ZNF454: variants seen among roughly 807,000 people sequenced by gnomAD.
The protein encoded by ZNF454 is zinc finger protein 454.
ZNF454 carries 30 observed loss-of-function variants against 48.2 expected under a neutral mutation model. The ratio of observed to expected loss-of-function variants is 0.62; its 90% CI spans 0.47 to 0.84. The LOEUF (loss-of-function observed/expected upper bound fraction) is 0.84. Among genes scored for constraint, ZNF454 ranks in the 40% least tolerant of loss-of-function variants. ZNF454 has a pLI of 0.00. For synonymous variants in ZNF454, 204 were observed against 211.4 expected, an observed-to-expected ratio of 0.97 and a Z score of 0.30; for missense variants, 510 against 623.1, an observed-to-expected ratio of 0.82 and a Z score of 1.93.
At chr5:178,962,661 A>G (rs1760038970) in intron 4 of ZNF454, among the ~76,000 whole-genome samples, 1 of 151,682 alleles carries the variant, frequency 6.6e-6, no homozygotes, top group Non-Finnish European at 1.5e-5. Context: ...TTCACGTCTG[A>G]TAACTCTGGT....
At position 178,951,567 on chromosome 5, in the gene ZNF454, C is replaced by A. The variant is rs561850043; in HGVS notation, c.250+4581C>A. ...TATGTACTTTACTGTAGAAACCTTT[C>A]TACAACTGGCTTTTTTCAGATCCAT... On this transcript the variant is annotated intron_variant, in intron 4 of 4. Transcript: ENST00000519564. 1.1e-4 allele frequency among the ~76,000 whole-genome samples: 17 copies of A among 152,322 alleles called. No individual in the cohort carries two copies. The East Asian group carries it at 3.1e-3, about 28-fold the overall frequency.
intron 4 of ZNF454, 47 bp downstream of exon 4, chr5:178,947,033 A>G (rs1487565444): frequency 6.5e-7 from 1 of 1,542,538 alleles, no homozygotes; most frequent in Non-Finnish European, 8.9e-7. Context: ...CCTGCTGGGT[A>G]GGGAAGGCTC....
the ZNF454 span, chr5:178,986,208 G>C: frequency 6.2e-7 from 1 of 1,614,140 alleles, no homozygotes; most frequent in Non-Finnish European, 8.5e-7. Flanking sequence ...CCGAGCGCTT[G>C]CCCTGCTCAA....
At position 178,946,931 on chromosome 5, in the gene ZNF454, G is replaced by A; in HGVS notation, c.195G>A (p.Gln65=). The change falls in exon 4 of 5, where the codon CAG becomes CAA. Residue 65 remains glutamine (Q), a synonymous_variant. Coordinates refer to ENST00000519564, the MANE Select transcript of ZNF454 (RefSeq NM_001178089.3). The surrounding 1 kb of genome is among the most constrained non-coding windows in gnomAD (Gnocchi z 4.5). ...LLGPKPDTFS[Q]LEKREVWMPE... ...GACCCAAACCAGATACGTTTTCCCA[G>A]CTAGAAAAAAGGGAAGTGTGGATGC... 1 of 1,613,986 alleles carries A rather than the reference G, an allele frequency of 6.2e-7. No individual in the cohort carries two copies. The highest frequency in any genetic ancestry group is 2.2e-5 in the East Asian group (1 of 44,868).
intron 4 of ZNF454, among the ~76,000 whole-genome samples, chr5:178,949,300 C>G (rs941969174): frequency 2.2e-4 from 33 of 152,200 alleles, no homozygotes; most frequent in Non-Finnish European, 1.2e-4. Context: ...GATCCGCCCC[C>G]CTCAGCCTCC....
the ZNF454 span, chr5:178,989,211 A>ACCCCCC: frequency 8.2e-6 from 1 of 121,732 alleles, no homozygotes; most frequent in Non-Finnish European, 1.3e-5. Context: ...CCCCCTCCCC[A>ACCCCCC]CCCTCACCAC....
chr5:178,988,579 C>T, the ZNF454 span, among the ~76,000 whole-genome samples: 12 of 152,176 alleles, frequency 7.9e-5, no homozygotes, highest in South Asian at 2.1e-4. The surrounding 1 kb of genome is among the most constrained non-coding windows in gnomAD (Gnocchi z 6.0). Flanking sequence ...AGGCGCCCCA[C>T]GCAGTCTTAA....
chr5:178,961,376 T>C (rs959319496), intron 4 of ZNF454, among the ~76,000 whole-genome samples: 6 of 151,814 alleles, frequency 4.0e-5, no homozygotes, highest in African/African-American at 1.4e-4. Context: ...AATACTTTTA[T>C]TGTGCCATTT....
At chr5:178,983,013 G>T in the ZNF454 span, 4 of 1,614,136 alleles carry the variant, frequency 2.5e-6, no homozygotes, top group South Asian at 3.3e-5. Flanking sequence ...CTCGTTGAAG[G>T]TCTCGGGCAC....
chr5:178,989,114 T>A, the ZNF454 span: 1 of 1,613,732 alleles, frequency 6.2e-7, no homozygotes, highest in East Asian at 2.2e-5. Context: ...GTAGGTGGAG[T>A]CCCGGCCGAT....
chr5:178,965,359 C>G lies in ZNF454; in HGVS notation c.955C>G (p.Gln319Glu), dbSNP rs1760113516. Reference sequence around the variant, plus strand: ...GTGCAGGGCACACCTTACCAAACACCAGAATATCCACAGTGGAGAGAAACC... The same window carrying G: ...GTGCAGGGCACACCTTACCAAACACGAGAATATCCACAGTGGAGAGAAACC... ...FVCRAHLTKHQNIHSGEKPYK... is the reference protein window; with the variant it reads ...FVCRAHLTKHENIHSGEKPYK... Residue 319 changes from glutamine (Q) to glutamate (E), a missense_variant, in exon 5 of 5, where the codon CAG (glutamine) becomes GAG (glutamate). Gln to Glu is a conservative substitution (Grantham distance 29). Coordinates refer to ENST00000519564, the MANE Select transcript of ZNF454 (RefSeq NM_001178089.3). The surrounding 1 kb of genome is among the most constrained non-coding windows in gnomAD (Gnocchi z 5.2). The G allele has an allele frequency of 6.2e-7, 1 of 1,614,148 alleles. No individual in the cohort carries two copies. Among genetic ancestry groups the G allele is most frequent in the Non-Finnish European group, 8.5e-7 (1 of 1,180,032 alleles).
chr5:178,987,047 GC>G, the ZNF454 span: 1 of 1,538,628 alleles, frequency 6.5e-7, no homozygotes. Flanking sequence ...TCCTGGGGAG[GC>G]CCCAGGGACC....
chr5:178,985,292 C>T, the ZNF454 span: 1 of 456,166 alleles, frequency 2.2e-6, no homozygotes, highest in Non-Finnish European at 4.4e-6. Flanking sequence ...TCTCTGGAGG[C>T]CCACACTCCC....
At chr5:178,963,553 C>T (rs1054628559) in intron 4 of ZNF454, among the ~76,000 whole-genome samples, 3 of 151,634 alleles carry the variant, frequency 2.0e-5, no homozygotes, top group African/African-American at 4.8e-5. Flanking sequence ...TGGGATTTCT[C>T]GTGAATTCTG....
At chr5:178,966,999 G>A (rs1760173927), downstream of ZNF454, among the ~76,000 whole-genome samples, 1 of 152,172 alleles carries the variant, frequency 6.6e-6, no homozygotes, top group African/African-American at 2.4e-5. Flanking sequence ...AGTCCATGAT[G>A]TTGAATATCA....
Position 178,941,546 on chromosome 5 carries a change from G to A in ZNF454, c.-108+102G>A. On this transcript the variant is annotated intron_variant, in intron 1 of 4. Transcript: ENST00000519564. The surrounding 1 kb of genome is among the most constrained non-coding windows in gnomAD (Gnocchi z 5.5). Reference sequence around the variant, plus strand: ...TGCCTGTGGAGGAGATGGAGCCAGGGCCTCTGGCATGTGTCTTGGAGCGGA... The same window carrying A: ...TGCCTGTGGAGGAGATGGAGCCAGGACCTCTGGCATGTGTCTTGGAGCGGA... The A allele has an allele frequency of 2.2e-6, 1 of 455,576 alleles. No homozygotes were observed. The highest frequency in any genetic ancestry group is 4.4e-6 in the Non-Finnish European group (1 of 226,282). 28.2% of individuals were successfully genotyped at this position (455,576 alleles called of 1,614,324 possible). A position where few individuals can be genotyped will look rare whatever the true frequency, so the allele number is the denominator to read the frequency against.
the ZNF454 span, chr5:178,983,703 G>A: frequency 8.4e-6 from 3 of 356,180 alleles, no homozygotes; most frequent in Non-Finnish European, 1.7e-5. Context: ...ACTCAGTGGG[G>A]AGGAGCAGGA....
At chr5:178,947,704 A>G (rs1759392646) in intron 4 of ZNF454, among the ~76,000 whole-genome samples, 1 of 152,092 alleles carries the variant, frequency 6.6e-6, no homozygotes, top group Non-Finnish European at 1.5e-5. Context: ...CTTAATCCCC[A>G]GTATTCGAGA....
the ZNF454 span, chr5:178,986,901 A>G: frequency 5.0e-6 from 8 of 1,614,042 alleles, no homozygotes; most frequent in Admixed American, 8.3e-5. Flanking sequence ...TGGCACTGCC[A>G]TTGGTCGCCT....
Sources: gnomAD v4.1 joint callset for allele counts (sites outside exome capture counted in the v4.1 genomes callset) on GRCh38, gnomAD v4.1.1 for gene constraint, Gnocchi (gnomAD v3.1) non-coding constraint, MANE v1.5 for transcripts, NCBI Gene and HGNC (gene_info 2026-07-23, HGNC 2026-07-21) for gene names.